NAA11: variants seen among roughly 807,000 people sequenced by gnomAD.
NAA11 encodes the protein N-alpha-acetyltransferase 11.
NAA11 carries 15 observed loss-of-function variants against 16.1 expected under a neutral mutation model. The ratio of observed to expected loss-of-function variants is 0.93; its 90% confidence interval spans 0.62 to 1.44. The LOEUF is 1.44. NAA11 is among the 40% of genes most tolerant of loss of function. NAA11 has a pLI of 0.00. For synonymous variants in NAA11, 122 were observed against 112.4 expected (o/e 1.09, Z -0.54); for missense variants, 298 against 291.3 (o/e 1.02, Z -0.17).
At chr4:79,175,707 A>AGAC in the NAA11 span, among the ~76,000 whole-genome samples, 17 of 150,538 alleles carry the variant, frequency 1.1e-4, no homozygotes, top group Non-Finnish European at 2.1e-4. Flanking sequence ...AATGCTCAAT[A>AGAC]GACTATGCAT....
chr4:79,274,791 G>A (rs1722608766), intron 2 of NAA11, among the ~76,000 whole-genome samples: 1 of 152,058 alleles, frequency 6.6e-6, no homozygotes. Flanking sequence ...ACTAAGCTCT[G>A]GATATAGTCT....
intron 1 of NAA11, among the ~76,000 whole-genome samples, chr4:79,322,493 G>A (rs1182815504): frequency 3.9e-5 from 5 of 126,770 alleles, no homozygotes; most frequent in Non-Finnish European, 8.8e-5. Flanking sequence ...ATAGGTGTGT[G>A]TGTGTGTGTG....
At chr4:79,254,659 T>C (rs1327957319) in intron 2 of NAA11, among the ~76,000 whole-genome samples, 1 of 149,592 alleles carries the variant, frequency 6.7e-6, no homozygotes, top group Non-Finnish European at 1.5e-5. Context: ...TTTTTTTTTT[T>C]ACTTTTTTCT....
the NAA11 span, among the ~76,000 whole-genome samples, chr4:79,194,574 T>C: frequency 6.6e-6 from 1 of 151,904 alleles, no homozygotes; most frequent in South Asian, 2.1e-4. Flanking sequence ...AGAAATGAGA[T>C]TGGAAAGGAA....
chr4:79,321,714 ATACT>A (rs1246664266), intron 1 of NAA11, among the ~76,000 whole-genome samples: 2 of 152,232 alleles, frequency 1.3e-5, no homozygotes, highest in Non-Finnish European at 2.9e-5. Flanking sequence ...CACATTATAG[ATACT>A]TAAGGTATCT....
At chr4:79,224,436 C>T (rs531821068), downstream of NAA11, among the ~76,000 whole-genome samples, 2 of 152,206 alleles carry the variant, frequency 1.3e-5, no homozygotes, top group South Asian at 2.1e-4. Context: ...TACGTAATTA[C>T]GTGATGATTG....
rs962934629 is a variant in NAA11, at chr4:79,322,877, A to G, written c.*12+2299T>C. 1.1e-4 allele frequency among the ~76,000 whole-genome samples: 17 copies of G among 152,174 alleles called. No individual in the cohort carries two copies. The East Asian group carries it at 3.3e-3, about 29-fold the overall frequency. On this transcript the variant is annotated intron_variant, in intron 1 of 1. Coordinates refer to ENST00000286794, the MANE Select transcript of NAA11 (RefSeq NM_032693.3). ...CTCCTCTGAGGACAGATTCTTTCTA[A>G]CCACCAAAGACTTACTGTATCTAAA...
intron 2 of NAA11, among the ~76,000 whole-genome samples, chr4:79,246,185 TAA>T (rs1480836003): frequency 2.0e-5 from 3 of 152,056 alleles, no homozygotes; most frequent in Non-Finnish European, 2.9e-5. Context: ...GCATGCTGGT[TAA>T]GAGTCATCAC....
At chr4:79,190,871 G>A in the NAA11 span, among the ~76,000 whole-genome samples, 4 of 151,932 alleles carry the variant, frequency 2.6e-5, no homozygotes, top group African/African-American at 9.7e-5. Context: ...CTTTCTTAAT[G>A]TTCATAATTT....
At chr4:79,314,311 GAATT>G (rs1723866787), downstream of NAA11, among the ~76,000 whole-genome samples, 1 of 151,964 alleles carries the variant, frequency 6.6e-6, no homozygotes, top group Non-Finnish European at 1.5e-5. Context: ...TTCTTTTGAT[GAATT>G]AATTTGTCTG....
chr4:79,325,655 G>C lies in NAA11; in HGVS notation c.223C>G (p.Leu75Val). ...CGCCGGTGTGAACGCTTCACGGCCAGTGAGGTGATATGGCCATGCGGGACA... is the reference window on the plus strand; with the variant it reads ...CGCCGGTGTGAACGCTTCACGGCCACTGAGGTGATATGGCCATGCGGGACA... ...DDVPHGHITS[L>V]AVKRSHRRLG... The change falls in exon 1 of 2, where the codon CTG (leucine) becomes GTG (valine). Residue 75 changes from leucine (L) to valine (V), a missense_variant. By Grantham distance (32) the Leu-to-Val change is conservative. Transcript: ENST00000286794. 6.2e-7 allele frequency: 1 copy of C among 1,614,110 alleles called. No homozygotes were observed.
chr4:79,254,696 C>A (rs1722067667), intron 2 of NAA11, among the ~76,000 whole-genome samples: 1 of 128,320 alleles, frequency 7.8e-6, no homozygotes, highest in Non-Finnish European at 1.7e-5. Context: ...TATTTATTTA[C>A]TTTTTTATTA....
intron 2 of NAA11, among the ~76,000 whole-genome samples, chr4:79,268,872 C>T (rs1276800085): frequency 1.1e-4 from 13 of 114,952 alleles, no homozygotes; most frequent in African/African-American, 4.5e-4. Flanking sequence ...CCACCACAGT[C>T]CCCAGAGTGT....
the NAA11 span, among the ~76,000 whole-genome samples, chr4:79,206,891 A>AT: frequency 2.6e-5 from 4 of 152,090 alleles, no homozygotes; most frequent in Non-Finnish European, 5.9e-5. Context: ...TTCAAGTGCT[A>AT]TTTCTTTACA....
At chr4:79,156,222 G>T in the NAA11 span, among the ~76,000 whole-genome samples, 1 of 152,098 alleles carries the variant, frequency 6.6e-6, no homozygotes, top group Admixed American at 6.6e-5. Flanking sequence ...AAACCCATAT[G>T]CTGAAATTGG....
chr4:79,306,558 G>A (rs553071362), intron 1 of NAA11: 3 of 152,290 alleles, frequency 2.0e-5, no homozygotes, highest in African/African-American at 7.2e-5. Context: ...CAGAGAGTAG[G>A]AATTAGAAGT....
At chr4:79,190,712 G>C in the NAA11 span, among the ~76,000 whole-genome samples, 1 of 151,982 alleles carries the variant, frequency 6.6e-6, no homozygotes, top group Non-Finnish European at 1.5e-5. Flanking sequence ...GTGAAGATTT[G>C]TTACATTGGT....
intron 2 of NAA11, among the ~76,000 whole-genome samples, chr4:79,263,643 C>T (rs1301079769): frequency 6.6e-6 from 1 of 152,130 alleles, no homozygotes; most frequent in Non-Finnish European, 1.5e-5. Flanking sequence ...AACACTTTCT[C>T]CTTCCTTGCC....
intron 2 of NAA11, among the ~76,000 whole-genome samples, chr4:79,284,274 CCCA>C (rs1342140780): frequency 3.9e-5 from 6 of 152,036 alleles, no homozygotes; most frequent in Admixed American, 1.3e-4. Flanking sequence ...GCTATAGTGT[CCCA>C]CCAAAGTCAA....
Sources: gnomAD v4.1 joint callset for allele counts (sites outside exome capture counted in the v4.1 genomes callset) on GRCh38, gnomAD v4.1.1 for gene constraint, MANE v1.5 for transcripts, NCBI Gene and HGNC (gene_info 2026-07-23, HGNC 2026-07-21) for gene names.